PCDHA11: variants seen among roughly 807,000 people sequenced by gnomAD.
PCDHA11 encodes the protein protocadherin alpha 11, also known as protocadherin alpha-11.
In PCDHA11, 61 loss-of-function variants were observed where a neutral mutation model predicts 70.3. That is an observed-to-expected ratio of 0.87 (90% CI 0.71 to 1.07). The LOEUF (loss-of-function observed/expected upper bound fraction) is 1.07, where lower values mean the gene tolerates loss of function less well. Ranked by LOEUF, PCDHA11 falls within the 50% of genes least tolerant of loss-of-function variation. The pLI is 0.00. For missense variants in PCDHA11, 1,324 were observed against 1,237.5 expected, an observed-to-expected ratio of 1.07 and a Z score of -1.05; for synonymous variants, 633 against 555.1, an observed-to-expected ratio of 1.14 and a Z score of -1.97.
At chr5:140,883,987 G>C (rs782597930) in intron 1 of PCDHA11, 4 of 1,612,956 alleles carry the variant, frequency 2.5e-6, no homozygotes, top group Admixed American at 1.7e-5. Context: ...CTGGCAGCGC[G>C]GGAGGCACAG....
chr5:140,911,971 C>G (rs1041878022), intron 1 of PCDHA11, among the ~76,000 whole-genome samples: 5 of 152,266 alleles, frequency 3.3e-5, no homozygotes, highest in African/African-American at 1.2e-4. Flanking sequence ...GGAGTATTAA[C>G]TCACATGATC....
At chr5:140,882,210 C>G in intron 1 of PCDHA11, 3 of 1,533,604 alleles carry the variant, frequency 2.0e-6, no homozygotes, top group Admixed American at 2.1e-5. Flanking sequence ...CCTTGAGAGA[C>G]AGTTTGAGGT....
intron 1 of PCDHA11, among the ~76,000 whole-genome samples, chr5:140,899,477 A>G (rs1309385245): frequency 3.3e-5 from 5 of 152,210 alleles, no homozygotes; most frequent in Non-Finnish European, 5.9e-5. Context: ...GGTTCTGTTT[A>G]TATGCTGGAT....
intron 1 of PCDHA11, among the ~76,000 whole-genome samples, chr5:140,902,203 C>CTTT (rs148688132): frequency 4.8e-5 from 6 of 124,458 alleles, no homozygotes; most frequent in Non-Finnish European, 8.4e-5. Flanking sequence ...CTCTCTCTTT[C>CTTT]TTTTTTTTTT....
intron 1 of PCDHA11, among the ~76,000 whole-genome samples, chr5:140,972,283 A>C (rs2096528536): frequency 2.7e-5 from 4 of 149,876 alleles, no homozygotes; most frequent in Admixed American, 2.7e-4. Flanking sequence ...TGGACCATAG[A>C]TGTGCGCCAC....
At chr5:140,928,434 CTT>C (rs1554205890) in intron 1 of PCDHA11, 1 of 1,614,172 alleles carries the variant, frequency 6.2e-7, no homozygotes, top group South Asian at 1.1e-5. Flanking sequence ...CTTCCTTTGA[CTT>C]TGAGCAGCTC....
intron 3 of PCDHA11, 40 bp downstream of exon 3, chr5:140,982,603 G>A: frequency 6.2e-7 from 1 of 1,607,892 alleles, no homozygotes; most frequent in East Asian, 2.2e-5. Context: ...TTGGTTTCTG[G>A]AAAGTGATCA....
chr5:140,877,558 A>G (rs782179941), intron 1 of PCDHA11: 7 of 1,613,628 alleles, frequency 4.3e-6, no homozygotes, highest in Non-Finnish European at 5.9e-6. Flanking sequence ...TCTGGTGGAT[A>G]TTAACGTGTA....
intron 1 of PCDHA11, among the ~76,000 whole-genome samples, chr5:140,904,464 T>G (rs2071152048): frequency 1.3e-5 from 2 of 151,802 alleles, no homozygotes; most frequent in South Asian, 4.1e-4. Context: ...CACTTGTTGA[T>G]TGGTGGCTAT....
chr5:140,984,086 A>C (rs187283969), intron 3 of PCDHA11, among the ~76,000 whole-genome samples: 1 of 152,356 alleles, frequency 6.6e-6, no homozygotes, highest in Admixed American at 6.5e-5. Flanking sequence ...GGAGTGAAGA[A>C]ATGATGGAGG....
At chr5:140,903,183 T>A (rs1392196705) in intron 1 of PCDHA11, among the ~76,000 whole-genome samples, 3 of 152,194 alleles carry the variant, frequency 2.0e-5, no homozygotes, top group Admixed American at 2.0e-4. Flanking sequence ...CCACCAATAG[T>A]ATAAAAGAGT....
intron 1 of PCDHA11, among the ~76,000 whole-genome samples, chr5:140,915,326 T>C (rs2077071352): frequency 6.6e-6 from 1 of 152,196 alleles, no homozygotes; most frequent in Non-Finnish European, 1.5e-5. Flanking sequence ...TACAGTGTTA[T>C]AATATTCTGT....
At position 140,895,904 on chromosome 5, in the gene PCDHA11, C is replaced by A. The variant is rs956599707; in HGVS notation, c.2391+24410C>A. Among the ~76,000 whole-genome samples, 7 of 152,138 alleles carry A rather than the reference C, an allele frequency of 4.6e-5. No homozygotes were observed. In the South Asian group the frequency reaches 1.5e-3, roughly 32 times the overall value. On this transcript the variant is annotated intron_variant, in intron 1 of 3. Transcript: ENST00000398640. ...TCGGCTCACTGCAACCTCCGCGTCC[C>A]GGGCTCAACAATTATCCTGCCTCAG...
rs572947059 is a variant in PCDHA11 at position 141,007,735 on chromosome 5, A to G, written c.2540-1892A>G. Reference sequence around the variant, plus strand: ...CCACCAGGGAGAACAAAGGTTAACCACTGAAGATAACTTTGGACTCTTATT... The same window carrying G: ...CCACCAGGGAGAACAAAGGTTAACCGCTGAAGATAACTTTGGACTCTTATT... On this transcript the variant is annotated intron_variant, in intron 3 of 3. Coordinates refer to ENST00000398640, the MANE Select transcript of PCDHA11 (RefSeq NM_018902.5). Among the ~76,000 whole-genome samples, 58 of 152,336 alleles carry G rather than the reference A, an allele frequency of 3.8e-4. 1 individual carries two copies. Among genetic ancestry groups the G allele is most frequent in the South Asian group, 2.9e-3 (14 of 4,824 alleles).
At chr5:140,933,692 C>T (rs2089349269) in intron 1 of PCDHA11, among the ~76,000 whole-genome samples, 1 of 151,798 alleles carries the variant, frequency 6.6e-6, no homozygotes, top group African/African-American at 2.4e-5. Context: ...TTTCCTATTC[C>T]TCGGACACAT....
intron 1 of PCDHA11, among the ~76,000 whole-genome samples, chr5:140,888,561 G>A (rs2061877783): frequency 6.6e-6 from 1 of 152,156 alleles, no homozygotes; most frequent in South Asian, 2.1e-4. Flanking sequence ...TTCCTTTCAA[G>A]GCTTCATTTT....
chr5:140,869,810 A>T lies in PCDHA11; in HGVS notation c.707A>T (p.Asn236Ile), dbSNP rs2051437780. The change falls in exon 1 of 4, where the codon AAC becomes ATC. Residue 236 changes from asparagine to isoleucine, a missense_variant. Transcript: ENST00000398640. ...VRLLVQVLDV[N>I]DNDPEFDKSE... ...CTGTTAGTCCAAGTCTTGGATGTCA[A>T]CGACAATGATCCAGAGTTTGATAAA... The T allele has an allele frequency of 6.2e-7, 1 of 1,612,624 alleles. No individual in the cohort carries two copies.
At chr5:140,925,231 G>A (rs2082401450) in intron 1 of PCDHA11, among the ~76,000 whole-genome samples, 1 of 152,154 alleles carries the variant, frequency 6.6e-6, no homozygotes, top group Non-Finnish European at 1.5e-5. Flanking sequence ...GTTTCTACCA[G>A]AAAATATGTC....
At chr5:140,969,297 T>C in intron 1 of PCDHA11, 2 of 1,614,200 alleles carry the variant, frequency 1.2e-6, no homozygotes, top group Non-Finnish European at 1.7e-6. Context: ...GGGAACCTGA[T>C]TATTCTCAAA....
Sources: gnomAD v4.1 joint callset for allele counts (sites outside exome capture counted in the v4.1 genomes callset) on GRCh38, gnomAD v4.1.1 for gene constraint, MANE v1.5 for transcripts, NCBI Gene and HGNC (gene_info 2026-07-23, HGNC 2026-07-21) for gene names.